Variants in FAM149B1 observed in about 807,000 individuals in gnomAD.
FAM149B1 encodes the protein family with sequence similarity 149 member B1, also known as primary cilium assembly protein FAM149B1.
Under a neutral mutation model 75.3 loss-of-function variants are expected in FAM149B1, and 56 were observed. That is an observed-to-expected ratio of 0.74 (90% CI 0.60 to 0.93). The LOEUF (loss-of-function observed/expected upper bound fraction) is 0.93, where lower values mean the gene tolerates loss of function less well. Among genes scored for constraint, FAM149B1 ranks in the 40% least tolerant of loss-of-function variants. The pLI, the probability that FAM149B1 is intolerant of heterozygous loss-of-function variation, is 0.00. For synonymous variants in FAM149B1, 259 were observed against 256.1 expected (o/e 1.01, Z -0.11); for missense variants, 639 against 708.4 (o/e 0.90, Z 1.11).
At position 73,242,457 on chromosome 10, in the gene FAM149B1, C is replaced by T. The variant is rs992653544; in HGVS notation, c.*1438C>T. The T allele has an allele frequency of 3.3e-5, 5 of 152,166 alleles. No homozygotes were observed. The highest frequency in any genetic ancestry group is 2.4e-5 in the African/African-American group (1 of 41,434). The allele number at this position is 152,166 out of a possible 1,614,324, so 9.4% of individuals were successfully genotyped here. On this transcript the variant is annotated 3_prime_UTR_variant, in exon 14 of 14. Coordinates refer to ENST00000242505, the MANE Select transcript of FAM149B1 (RefSeq NM_173348.2). Reference sequence around the variant, plus strand: ...CTGTAAGAAGTCATTTAGCCCAATTCCCTCACCCTGTGTGTTTTCCCTCAA... The same window carrying T: ...CTGTAAGAAGTCATTTAGCCCAATTTCCTCACCCTGTGTGTTTTCCCTCAA...
chr10:73,174,260 T>G (rs1843842469), intron 1 of FAM149B1, among the ~76,000 whole-genome samples: 1 of 152,224 alleles, frequency 6.6e-6, no homozygotes, highest in Non-Finnish European at 1.5e-5. Flanking sequence ...AGAATGGCTA[T>G]ACCATTTGAC....
intron 7 of FAM149B1, among the ~76,000 whole-genome samples, chr10:73,226,005 A>ACTT (rs1328196824): frequency 6.6e-6 from 1 of 152,192 alleles, no homozygotes; most frequent in Non-Finnish European, 1.5e-5. Flanking sequence ...ACTTCACACA[A>ACTT]CAGAATCACC....
At chr10:73,192,380 G>A (rs1454669623) in intron 3 of FAM149B1, 176 bp from the exon 4 acceptor site, 1 of 621,518 alleles carries the variant, frequency 1.6e-6, no homozygotes, top group Non-Finnish European at 2.7e-6. Context: ...GAAGATACCT[G>A]AAAATTCCGA....
In FAM149B1 at chr10:73,168,313, A is replaced by T; in HGVS notation, c.-27A>T. The T allele has an allele frequency of 6.8e-7, 1 of 1,472,280 alleles. No homozygotes were observed. The highest frequency in any genetic ancestry group is 9.2e-7 in the Non-Finnish European group (1 of 1,087,340). The allele number at this position is 1,472,280 out of a possible 1,614,324, so 91.2% of individuals were successfully genotyped here. A position where few individuals can be genotyped will look rare whatever the true frequency, so the allele number is the denominator to read the frequency against. The stretch of plus-strand genomic sequence containing the variant: ...GTGCCTGCCCCGGCCGCGGCTGAGG[A>T]GGAGGAGGAGGAGGAGGAGGAGGAG... On this transcript the variant is annotated 5_prime_UTR_variant, in exon 1 of 14. Coordinates refer to ENST00000242505, the MANE Select transcript of FAM149B1 (RefSeq NM_173348.2).
At chr10:73,185,710 A>G (rs1394965424) in intron 3 of FAM149B1, among the ~76,000 whole-genome samples, 1 of 152,222 alleles carries the variant, frequency 6.6e-6, no homozygotes, top group African/African-American at 2.4e-5. Flanking sequence ...TGAGACCAGT[A>G]TTACACTGAT....
chr10:73,226,535 G>A lies in FAM149B1; in HGVS notation c.899-1525G>A, dbSNP rs979731605. ...AAAGATACAGACTTTGTTGCCACAC[G>A]ACCTGGGTTTGACCACTGGGTCTGA... On this transcript the variant is annotated intron_variant, in intron 7 of 13. Coordinates refer to ENST00000242505, the MANE Select transcript of FAM149B1 (RefSeq NM_173348.2). Among the ~76,000 whole-genome samples, 13 of 152,188 alleles carry A rather than the reference G, an allele frequency of 8.5e-5. No homozygotes were observed. The East Asian group carries it at 1.4e-3, about 16-fold the overall frequency.
At chr10:73,227,973 A>G (rs2043593145) in intron 7 of FAM149B1, 87 bp from the exon 8 acceptor site, 1 of 1,309,702 alleles carries the variant, frequency 7.6e-7, no homozygotes, top group African/African-American at 1.5e-5. Context: ...TGAGATTATG[A>G]ATTCTCAGGA....
intron 7 of FAM149B1, among the ~76,000 whole-genome samples, chr10:73,213,053 C>A (rs2043221581): frequency 6.6e-6 from 1 of 152,004 alleles, no homozygotes; most frequent in South Asian, 2.1e-4. Flanking sequence ...AACCATGTTG[C>A]CTGGGCTGGT....
chr10:73,234,798 T>C lies in FAM149B1; in HGVS notation c.1353-19T>C. Reference sequence around the variant, plus strand: ...ACTTCATGCTTTCATACCTTCGTGTTTGTTGGTGGGATCTGCAGCCCAGTG... The same window carrying C: ...ACTTCATGCTTTCATACCTTCGTGTCTGTTGGTGGGATCTGCAGCCCAGTG... On this transcript the variant is annotated intron_variant, in intron 10 of 13. Transcript: ENST00000242505. 2.6e-6 allele frequency: 4 copies of C among 1,550,710 alleles called. No individual in the cohort carries two copies. Among genetic ancestry groups the C allele is most frequent in the Non-Finnish European group, 3.5e-6 (4 of 1,146,764 alleles).
At chr10:73,240,624 A>C (rs2043924141) in intron 13 of FAM149B1, among the ~76,000 whole-genome samples, 1 of 151,476 alleles carries the variant, frequency 6.6e-6, no homozygotes, top group Admixed American at 6.6e-5. Flanking sequence ...AGGCAGGAGA[A>C]TGAGGTGAAC....
chr10:73,209,177 G>A (rs544757334), intron 6 of FAM149B1, among the ~76,000 whole-genome samples: 4 of 152,224 alleles, frequency 2.6e-5, no homozygotes, highest in Middle Eastern at 3.4e-3. Context: ...GGCTGGGCGC[G>A]GTGGCTCACA....
chr10:73,199,257 G>T (rs958856686), intron 5 of FAM149B1, among the ~76,000 whole-genome samples: 1 of 151,660 alleles, frequency 6.6e-6, no homozygotes, highest in South Asian at 2.1e-4. Flanking sequence ...TCGCTCTGTC[G>T]CCCAGGCTGG....
At position 73,192,662 on chromosome 10, in the gene FAM149B1, A is replaced by C. The variant is rs1564689841; in HGVS notation, c.389A>C (p.Glu130Ala). 2.6e-6 allele frequency: 4 copies of C among 1,549,892 alleles called. No individual in the cohort carries two copies. The highest frequency in any genetic ancestry group is 3.5e-6 in the Non-Finnish European group (4 of 1,146,742). Reference protein sequence around the residue: ...LSVHTKSLQEECQQWTASFPH... With the variant: ...LSVHTKSLQEACQQWTASFPH... ...GTGCATACCAAGAGTCTACAAGAAG[A>C]GTGCCAACAGTGGACAGCTAGCTTT... Residue 130 changes from glutamate (E) to alanine (A), a missense_variant, in exon 4 of 14, where the codon GAG (glutamate) becomes GCG (alanine). Transcript: ENST00000242505.
chr10:73,204,685 C>T (rs1200292270), intron 5 of FAM149B1, among the ~76,000 whole-genome samples: 3 of 150,692 alleles, frequency 2.0e-5, no homozygotes, highest in African/African-American at 7.3e-5. Context: ...CCATAAGGAG[C>T]ATATATTTTG....
chr10:73,208,083 G>A (rs1055282901), intron 5 of FAM149B1, among the ~76,000 whole-genome samples: 2 of 152,230 alleles, frequency 1.3e-5, no homozygotes, highest in African/African-American at 4.8e-5. Flanking sequence ...GGGCCTGGTG[G>A]GAGGTGTTTG....
At chr10:73,192,722 T>G (rs958613220) in intron 4 of FAM149B1, 24 bp downstream of exon 4, 6 of 1,501,018 alleles carry the variant, frequency 4.0e-6, no homozygotes, top group Non-Finnish European at 4.4e-6. Context: ...CCAGTTGACT[T>G]GTATTCATGG....
In FAM149B1 at chr10:73,241,595, G is replaced by A. The variant is rs543656420; in HGVS notation, c.*576G>A. 21 of 153,544 alleles carry A rather than the reference G, an allele frequency of 1.4e-4. No homozygotes were observed. In the South Asian group the frequency reaches 3.7e-3, roughly 27 times the overall value. 9.5% of individuals were successfully genotyped at this position (153,544 alleles called of 1,614,324 possible). A position where few individuals can be genotyped will look rare whatever the true frequency, so the allele number is the denominator to read the frequency against. On this transcript the variant is annotated 3_prime_UTR_variant, in exon 14 of 14. Coordinates refer to ENST00000242505, the MANE Select transcript of FAM149B1 (RefSeq NM_173348.2). ...CATAAATGTTAAGCATTAGTATAAAGTAACTTCTGTAATAAATTATATCGC... is the reference window on the plus strand; with the variant it reads ...CATAAATGTTAAGCATTAGTATAAAATAACTTCTGTAATAAATTATATCGC...
intron 1 of FAM149B1, among the ~76,000 whole-genome samples, chr10:73,171,995 C>T (rs1267541076): frequency 6.6e-6 from 1 of 152,096 alleles, no homozygotes; most frequent in Admixed American, 6.6e-5. Context: ...GCAGATACTG[C>T]CATTTCACCC....
rs1282463158 is a variant in FAM149B1, at chr10:73,171,772, G to A, written c.48-2915G>A. Among the ~76,000 whole-genome samples the A allele has an allele frequency of 2.0e-5, 3 of 151,864 alleles. No individual in the cohort carries two copies. In the East Asian group the frequency reaches 5.8e-4, roughly 29 times the overall value. Reference sequence around the variant, plus strand: ...GCCTCCCGAGTAGCTGGGACTACAGGTGCCCGCCACCATGCCCAGCTAATT... The same window carrying A: ...GCCTCCCGAGTAGCTGGGACTACAGATGCCCGCCACCATGCCCAGCTAATT... On this transcript the variant is annotated intron_variant, in intron 1 of 13. Coordinates refer to ENST00000242505, the MANE Select transcript of FAM149B1 (RefSeq NM_173348.2).
Sources: gnomAD v4.1 joint callset for allele counts (sites outside exome capture counted in the v4.1 genomes callset) on GRCh38, gnomAD v4.1.1 for gene constraint, MANE v1.5 for transcripts, NCBI Gene and HGNC (gene_info 2026-07-23, HGNC 2026-07-21) for gene names.